PCDHA7: variants seen among roughly 807,000 people sequenced by gnomAD.
PCDHA7 encodes the protein protocadherin alpha-7.
In PCDHA7, 37 loss-of-function variants were observed where a neutral mutation model predicts 57.2. That is an observed-to-expected ratio of 0.65 (90% CI 0.50 to 0.85). The LOEUF is 0.85. PCDHA7 is among the 40% of genes least tolerant of loss of function. The pLI is 0.00. For synonymous variants in PCDHA7, 553 were observed against 558.8 expected, an observed-to-expected ratio of 0.99 and a Z score of 0.15; for missense variants, 1,188 against 1,241.8, an observed-to-expected ratio of 0.96 and a Z score of 0.65.
intron 1 of PCDHA7, chr5:140,877,370 C>G (rs781905172): frequency 6.2e-7 from 1 of 1,614,004 alleles, no homozygotes; most frequent in Admixed American, 1.7e-5. Context: ...GAGATCAGCA[C>G]GACACGCATC....
intron 1 of PCDHA7, chr5:140,877,777 C>T: frequency 6.2e-7 from 1 of 1,614,172 alleles, no homozygotes; most frequent in South Asian, 1.1e-5. Context: ...CAAGACGGAC[C>T]TCATGGCCTT....
chr5:140,875,915 TG>T, intron 1 of PCDHA7: 1 of 1,614,214 alleles, frequency 6.2e-7, no homozygotes, highest in Non-Finnish European at 8.5e-7. Context: ...TCTGCGCCTC[TG>T]GACTCTCATT....
At chr5:140,929,205 G>T in intron 1 of PCDHA7, 1 of 1,614,120 alleles carries the variant, frequency 6.2e-7, no homozygotes, top group Non-Finnish European at 8.5e-7. Flanking sequence ...GTTTGCTGTT[G>T]CGTGGGGAGT....
chr5:140,856,759 C>T lies in PCDHA7; in HGVS notation c.2355+20021C>T, dbSNP rs148775418. On this transcript the variant is annotated intron_variant, in intron 1 of 3. Coordinates refer to ENST00000525929, the MANE Select transcript of PCDHA7 (RefSeq NM_018910.3). ...TCCTGGTGTTAGATGCCAATGATAA[C>T]GCCCCTATCTTTGACAGACCGGTTT... 33 of 1,596,270 alleles carry T rather than the reference C, an allele frequency of 2.1e-5. 4 individuals carry two copies. Among genetic ancestry groups the T allele is most frequent in the Non-Finnish European group, 2.6e-5 (30 of 1,166,452 alleles).
In PCDHA7 at chr5:141,012,192, T is replaced by TA. The variant is rs1424309622; in HGVS notation, c.*2256dup. 1 of 153,796 alleles carries TA rather than the reference T, an allele frequency of 6.5e-6. No homozygotes were observed. The highest frequency in any genetic ancestry group is 6.5e-5 in the Admixed American group (1 of 15,282). The allele number at this position is 153,796 out of a possible 1,614,324, so 9.5% of individuals were successfully genotyped here. ...AATGATGATAATTATAATGTATCTGTACAGCACTTTTTACATTTGCGAAGT... is the reference window on the plus strand; with the variant it reads ...AATGATGATAATTATAATGTATCTGTAACAGCACTTTTTACATTTGCGAAGT... On this transcript the variant is annotated 3_prime_UTR_variant, in exon 4 of 4. Transcript: ENST00000525929.
At chr5:140,855,946 A>G in intron 1 of PCDHA7, 4 of 1,354,082 alleles carry the variant, frequency 3.0e-6, no homozygotes, top group Non-Finnish European at 4.0e-6. Flanking sequence ...GATCTCAGCC[A>G]TTTCGATAAA....
At chr5:140,867,426 AT>A (rs1462800556) in intron 1 of PCDHA7, 4 of 152,150 alleles carry the variant, frequency 2.6e-5, no homozygotes, top group African/African-American at 9.7e-5. Flanking sequence ...TTAATACAGA[AT>A]TTTGCATTTA....
At chr5:140,924,223 T>A (rs2081726593) in intron 1 of PCDHA7, among the ~76,000 whole-genome samples, 1 of 152,230 alleles carries the variant, frequency 6.6e-6, no homozygotes, top group South Asian at 2.1e-4. Context: ...ATAAGTTCAA[T>A]TTTTATGGGC....
chr5:141,006,404 G>A (rs1001810745), intron 3 of PCDHA7, among the ~76,000 whole-genome samples: 2 of 151,938 alleles, frequency 1.3e-5, no homozygotes, highest in East Asian at 1.9e-4. Flanking sequence ...TAGTAGAGAC[G>A]CGGTTTCACT....
chr5:140,867,666 C>T (rs2050094280), intron 1 of PCDHA7: 1 of 152,038 alleles, frequency 6.6e-6, no homozygotes, highest in Non-Finnish European at 1.5e-5. Context: ...ACTTTCTACT[C>T]TAAAATTTTG....
At chr5:140,863,749 G>C (rs1346198553) in intron 1 of PCDHA7, 1 of 245,376 alleles carries the variant, frequency 4.1e-6, no homozygotes, top group Non-Finnish European at 8.0e-6. Flanking sequence ...TTGTAATCCC[G>C]GCACTTTGGG....
chr5:140,847,058 A>C (rs1780836064), intron 1 of PCDHA7, among the ~76,000 whole-genome samples: 1 of 149,958 alleles, frequency 6.7e-6, no homozygotes, highest in Non-Finnish European at 1.5e-5. Context: ...AGACACAGAA[A>C]GCATCAATAT....
intron 1 of PCDHA7, chr5:140,848,760 C>T (rs2150419620): frequency 6.3e-7 from 1 of 1,593,332 alleles, no homozygotes; most frequent in South Asian, 1.1e-5. Context: ...TGTGAATTCT[C>T]GGATCGACCG....
chr5:140,878,406 T>A (rs1198360264), intron 1 of PCDHA7, among the ~76,000 whole-genome samples: 2 of 152,254 alleles, frequency 1.3e-5, no homozygotes, highest in Non-Finnish European at 2.9e-5. Flanking sequence ...CAAAATATCT[T>A]CTTTATTTCA....
chr5:140,935,550 C>G (rs1419018426), intron 1 of PCDHA7, among the ~76,000 whole-genome samples: 2 of 152,156 alleles, frequency 1.3e-5, no homozygotes, highest in African/African-American at 4.8e-5. Flanking sequence ...TTTAAAGTAT[C>G]TTGGAAAAGT....
chr5:140,999,015 C>G (rs2097843117), intron 3 of PCDHA7, among the ~76,000 whole-genome samples: 1 of 152,280 alleles, frequency 6.6e-6, no homozygotes, highest in East Asian at 1.9e-4. Context: ...GATTTGAACC[C>G]AAGACTTTTG....
chr5:140,928,379 G>C, intron 1 of PCDHA7: 1 of 1,614,172 alleles, frequency 6.2e-7, no homozygotes, highest in Non-Finnish European at 8.5e-7. Flanking sequence ...TCAGCCTCTA[G>C]CTTGCTGGCA....
intron 1 of PCDHA7, chr5:140,928,053 G>C: frequency 6.2e-7 from 1 of 1,614,212 alleles, no homozygotes; most frequent in Non-Finnish European, 8.5e-7. Context: ...CTTTTCAGCT[G>C]ACGGCTTCCT....
chr5:140,965,242 A>T (rs1373643411), intron 1 of PCDHA7, among the ~76,000 whole-genome samples: 2 of 152,196 alleles, frequency 1.3e-5, no homozygotes, highest in African/African-American at 4.8e-5. Context: ...GGGAAGAGTG[A>T]ATATTCAGAA....
Sources: allele counts gnomAD v4.1 joint callset (sites outside exome capture counted in the v4.1 genomes callset), GRCh38; gene constraint gnomAD v4.1.1; transcripts MANE v1.5; gene names NCBI Gene and HGNC (gene_info 2026-07-23, HGNC 2026-07-21).